The following MST1R variants were observed in gnomAD, a reference collection of about 807,000 sequenced individuals.
MST1R encodes the protein macrophage stimulating 1 receptor.
MST1R carries 99 observed loss-of-function variants against 117.8 expected under a neutral mutation model. The observed-to-expected ratio is 0.84, with a 90% CI of 0.71 to 0.99. The LOEUF (loss-of-function observed/expected upper bound fraction) is 0.99. Among genes scored for constraint, MST1R ranks in the 50% least tolerant of loss-of-function variants. The pLI is 0.00. For missense variants in MST1R, 1,683 were observed against 1,840.2 expected (o/e 0.91, Z 1.56); for synonymous variants, 734 against 765.3 (o/e 0.96, Z 0.68).
In MST1R at chr3:49,896,318, C is replaced by CA; in HGVS notation, c.2525dup (p.Ser843GlufsTer34). ...CAGCAGCTCCATCCCCTCGGGCACT[C>CA]AGATTCCCTGCCACCCATCCCTGGG... On this transcript the variant is annotated frameshift_variant, in exon 10 of 20. Coordinates refer to ENST00000296474, the MANE Select transcript of MST1R (RefSeq NM_002447.4). LOFTEE classifies it high-confidence loss of function. 1 of 1,614,146 alleles carries CA rather than the reference C, an allele frequency of 6.2e-7. No individual in the cohort carries two copies. The highest frequency in any genetic ancestry group is 8.5e-7 in the Non-Finnish European group (1 of 1,180,022).
At position 49,902,955 on chromosome 3, in the gene MST1R, T is replaced by C. The variant is rs774465428; in HGVS notation, c.655A>G (p.Arg219Gly). 2 of 1,613,200 alleles carry C rather than the reference T, an allele frequency of 1.2e-6. No individual in the cohort carries two copies. The highest frequency in any genetic ancestry group is 2.2e-5 in the East Asian group (1 of 44,890). Residue 219 changes from arginine to glycine, a missense_variant, in exon 1 of 20, where the codon AGG (arginine) becomes GGG (glycine). Arg to Gly is a moderately radical substitution (Grantham distance 125). Transcript: ENST00000296474. ...ASFSPRSVSI[R>G]RLKADASGFA... ...CCCGAGGCGTCAGCCTTGAGACGCCTGATAGACACTGAGCGTGGGCTGAAG... is the reference window on the plus strand; with the variant it reads ...CCCGAGGCGTCAGCCTTGAGACGCCCGATAGACACTGAGCGTGGGCTGAAG...
In MST1R at chr3:49,890,481, T is replaced by C. The variant is rs1192391027; in HGVS notation, c.3810+4A>G. 2.5e-6 allele frequency: 4 copies of C among 1,610,476 alleles called. No homozygotes were observed. Among genetic ancestry groups the C allele is most frequent in the Non-Finnish European group, 2.5e-6 (3 of 1,177,718 alleles). ...TGTGGACTGTAGGGCAGGTGGGGCC[T>C]CACCACATCAGACTTGGTGGTAAAT... On this transcript the variant is annotated splice_donor_region_variant and intron_variant, in intron 18 of 19. Transcript: ENST00000296474.
Position 49,902,722 on chromosome 3 carries a change from C to T in MST1R, c.888G>A (p.Leu296=), listed in dbSNP as rs746842050. The part of the protein sequence containing the change: ...TEPELGDYRE[L]VLDCRFAPKR... ...TTGGAGCAAATCTGCAGTCGAGGACCAGCTCCCGATAGTCACCCAACTCTG... is the reference window on the plus strand; with the variant it reads ...TTGGAGCAAATCTGCAGTCGAGGACTAGCTCCCGATAGTCACCCAACTCTG... Residue 296 remains leucine, a synonymous_variant, in exon 1 of 20, where the codon CTG becomes CTA. Transcript: ENST00000296474. The T allele has an allele frequency of 2.5e-6, 4 of 1,613,700 alleles. No homozygotes were observed. The Admixed American group carries it at 6.7e-5, about 27-fold the overall frequency.
Position 49,899,276 on chromosome 3 carries a change from A to G in MST1R, c.1231-13T>C. On this transcript the variant is annotated splice_polypyrimidine_tract_variant and intron_variant, in intron 1 of 19. Coordinates refer to ENST00000296474, the MANE Select transcript of MST1R (RefSeq NM_002447.4). Reference sequence around the variant, plus strand: ...CTTCCAGGCCAGGCTGGGAAAGGTCAGGGAAGGGAAGGAGTCAGGGTTCAG... The same window carrying G: ...CTTCCAGGCCAGGCTGGGAAAGGTCGGGGAAGGGAAGGAGTCAGGGTTCAG... The G allele has an allele frequency of 6.2e-7, 1 of 1,613,484 alleles. No individual in the cohort carries two copies. The highest frequency in any genetic ancestry group is 8.5e-7 in the Non-Finnish European group (1 of 1,179,670).
chr3:49,890,097 C>T (rs1263257436), intron 18 of MST1R, 37 bp from the exon 19 acceptor site: 1 of 1,548,440 alleles, frequency 6.5e-7, no homozygotes, highest in Admixed American at 2.0e-5. Context: ...TCAACTCACC[C>T]CAAATTTGGG....
rs1347342848 is a variant in MST1R at position 49,902,550 on chromosome 3, T to C, written c.1060A>G (p.Lys354Glu). ...GGGCCCACGCCAGGACCACCATCCTTGCCAGTCACAAAGACCCCAAATAGT... is the reference window on the plus strand; with the variant it reads ...GGGCCCACGCCAGGACCACCATCCTCGCCAGTCACAAAGACCCCAAATAGT... ...EVLFGVFVTG[K>E]DGGPGVGPNS... Residue 354 changes from lysine to glutamate, a missense_variant, in exon 1 of 20, where the codon AAG (lysine) becomes GAG (glutamate). By Grantham distance (56) the Lys-to-Glu change is moderately conservative. Coordinates refer to ENST00000296474, the MANE Select transcript of MST1R (RefSeq NM_002447.4). 1.2e-6 allele frequency: 2 copies of C among 1,613,972 alleles called. No homozygotes were observed. Among genetic ancestry groups the C allele is most frequent in the East Asian group, 2.2e-5 (1 of 44,886 alleles).
chr3:49,903,071 C>T lies in MST1R; in HGVS notation c.539G>A (p.Ser180Asn), dbSNP rs1335119188. 6.2e-7 allele frequency: 1 copy of T among 1,609,460 alleles called. No individual in the cohort carries two copies. Among genetic ancestry groups the T allele is most frequent in the East Asian group, 2.2e-5 (1 of 44,884 alleles). ...RPDDCPDCVA[S>N]PLGTRVTVVE... Reference sequence around the variant, plus strand: ...CACAGTTACACGGGTGCCCAATGGGCTGGCCACACAGTCGGGGCAGTCATC... The same window carrying T: ...CACAGTTACACGGGTGCCCAATGGGTTGGCCACACAGTCGGGGCAGTCATC... The change falls in exon 1 of 20, where the codon AGC becomes AAC. Residue 180 changes from serine (S) to asparagine (N), a missense_variant. By Grantham distance (46) the Ser-to-Asn change is conservative. Transcript: ENST00000296474.
At chr3:49,891,944 C>G in intron 14 of MST1R, 106 bp from the exon 15 acceptor site, 1 of 788,296 alleles carries the variant, frequency 1.3e-6, no homozygotes, top group Non-Finnish European at 2.1e-6. Flanking sequence ...ACTGGCCAAT[C>G]TGACATTTTA....
chr3:49,891,656 G>T (rs899602191), intron 15 of MST1R, 76 bp from the exon 16 acceptor site: 20 of 1,608,106 alleles, frequency 1.2e-5, no homozygotes, highest in Admixed American at 1.7e-5. Context: ...GGAAATGAAG[G>T]TCTCCTGCTC....
chr3:49,902,567 C>G lies in MST1R; in HGVS notation c.1043G>C (p.Gly348Ala), dbSNP rs745645623. 6.2e-7 allele frequency: 1 copy of G among 1,613,838 alleles called. No homozygotes were observed. Among genetic ancestry groups the G allele is most frequent in the Admixed American group, 1.7e-5 (1 of 60,012 alleles). Residue 348 changes from glycine (G) to alanine (A), a missense_variant, in exon 1 of 20, where the codon GGG (glycine) becomes GCG (alanine). Transcript: ENST00000296474. The part of the protein sequence containing the change: ...SIAEGQEVLF[G>A]VFVTGKDGGP... ...ACCATCCTTGCCAGTCACAAAGACC[C>G]CAAATAGTACTTCCTGGCCCTCGGC...
chr3:49,898,016 C>G (rs2082540421), intron 5 of MST1R, 35 bp downstream of exon 5: 1 of 1,613,664 alleles, frequency 6.2e-7, no homozygotes. Context: ...TGGTTTCCCC[C>G]TTCAGGGAAA....
chr3:49,888,408 CCTGGG>C (rs1381734902), intron 19 of MST1R, among the ~76,000 whole-genome samples: 1 of 147,738 alleles, frequency 6.8e-6, no homozygotes. Context: ...TGCACTCCAG[CCTGGG>C]CAACAGAGCG....
At chr3:49,894,067 T>C (rs989466387) in intron 14 of MST1R, among the ~76,000 whole-genome samples, 3 of 148,922 alleles carry the variant, frequency 2.0e-5, no homozygotes, top group Admixed American at 6.7e-5. Flanking sequence ...TACTAAAAAT[T>C]AGCCGGGTGT....
chr3:49,895,629 G>C, intron 12 of MST1R, 81 bp from the exon 13 acceptor site: 1 of 1,611,274 alleles, frequency 6.2e-7, no homozygotes, highest in South Asian at 1.1e-5. Context: ...AGATCCCTAA[G>C]TCCTGGGCAG....
chr3:49,888,435 C>CA (rs35017850), intron 19 of MST1R, among the ~76,000 whole-genome samples: 51,048 of 105,412 alleles, frequency 0.48, 11,978 homozygotes, highest in Non-Finnish European at 0.54. Flanking sequence ...GACTCCATCT[C>CA]AAAAAAAAAA....
In MST1R at chr3:49,903,693, T is replaced by C; in HGVS notation, c.-84A>G. 6.7e-7 allele frequency: 1 copy of C among 1,494,344 alleles called. No homozygotes were observed. The highest frequency in any genetic ancestry group is 8.9e-7 in the Non-Finnish European group (1 of 1,129,738). The allele number at this position is 1,494,344 out of a possible 1,614,324, so 92.6% of individuals were successfully genotyped here. A position where few individuals can be genotyped will look rare whatever the true frequency, so the allele number is the denominator to read the frequency against. On this transcript the variant is annotated 5_prime_UTR_variant, in exon 1 of 20. Coordinates refer to ENST00000296474, the MANE Select transcript of MST1R (RefSeq NM_002447.4). The stretch of plus-strand genomic sequence containing the variant: ...GCCTGGCTGGGGGCCCGACTCGAGG[T>C]CTGGACTGGGCCAAATTTAAGCAGC...
chr3:49,888,993 G>T (rs1328219636), intron 19 of MST1R, among the ~76,000 whole-genome samples: 2 of 152,228 alleles, frequency 1.3e-5, no homozygotes, highest in East Asian at 3.8e-4. Context: ...AACTGCCTCT[G>T]CCAAGCTCAC....
At position 49,895,714 on chromosome 3, in the gene MST1R, C is replaced by G. The variant is rs764461812; in HGVS notation, c.2962+1G>C. ...ATTAAAGGTAGGAGCAGAGAACTCA[C>G]CTAGCTGCTTCCTCCGCCACCAGTA... On this transcript the variant is annotated splice_donor_variant, in intron 12 of 19. Transcript: ENST00000296474. LOFTEE classifies it high-confidence loss of function. The G allele has an allele frequency of 6.2e-7, 1 of 1,612,178 alleles. No individual in the cohort carries two copies. The highest frequency in any genetic ancestry group is 1.7e-5 in the Admixed American group (1 of 59,984).
Position 49,895,243 on chromosome 3 carries a change from C to T in MST1R, c.3195G>A (p.Ala1065=), listed in dbSNP as rs147333195. 1.6e-4 allele frequency: 264 copies of T among 1,614,116 alleles called. No individual in the cohort carries two copies. The highest frequency in any genetic ancestry group is 2.0e-4 in the Non-Finnish European group (238 of 1,180,060). ...GCACATCCTTGACCTCAGCCAAGAGCGCAGAGTCCAGGTCCCTTAGCTGGA... is the reference window on the plus strand; with the variant it reads ...GCACATCCTTGACCTCAGCCAAGAGTGCAGAGTCCAGGTCCCTTAGCTGGA... The part of the protein sequence containing the change: ...ESIQLRDLDS[A]LLAEVKDVLI... The change falls in exon 14 of 20, where the codon GCG becomes GCA. Residue 1065 remains alanine (A), a synonymous_variant. Coordinates refer to ENST00000296474, the MANE Select transcript of MST1R (RefSeq NM_002447.4).
Sources: allele counts gnomAD v4.1 joint callset (sites outside exome capture counted in the v4.1 genomes callset), GRCh38; gene constraint gnomAD v4.1.1; transcripts MANE v1.5; gene names NCBI Gene and HGNC (gene_info 2026-07-23, HGNC 2026-07-21).